Variants in TBC1D19 observed in about 807,000 individuals in gnomAD.
TBC1D19 encodes TBC1 domain family member 19.
TBC1D19 carries 60 observed loss-of-function variants against 89.0 expected under a neutral mutation model. That is an observed-to-expected ratio of 0.67 (90% CI 0.55 to 0.84). The LOEUF is 0.84. Ranked by LOEUF, TBC1D19 falls within the 40% of genes least tolerant of loss-of-function variation. TBC1D19 has a pLI of 0.00. For synonymous variants in TBC1D19, 189 were observed against 199.7 expected, an observed-to-expected ratio of 0.95 and a Z score of 0.45; for missense variants, 500 against 610.8, an observed-to-expected ratio of 0.82 and a Z score of 1.91.
At chr4:26,804,788 C>T in the TBC1D19 span, among the ~76,000 whole-genome samples, 1 of 152,172 alleles carries the variant, frequency 6.6e-6, no homozygotes, top group Non-Finnish European at 1.5e-5. Flanking sequence ...AAACGGGAAG[C>T]GGCAGACACA....
chr4:26,830,113 C>T, the TBC1D19 span, among the ~76,000 whole-genome samples: 1 of 152,140 alleles, frequency 6.6e-6, no homozygotes, highest in Non-Finnish European at 1.5e-5. Flanking sequence ...AGAAGTTGAG[C>T]CTACCAGAGC....
chr4:26,614,834 C>T (rs549422839), intron 3 of TBC1D19, among the ~76,000 whole-genome samples: 1 of 152,150 alleles, frequency 6.6e-6, no homozygotes, highest in Non-Finnish European at 1.5e-5. Context: ...CCTGCCACAA[C>T]ACCTGGCTAA....
intron 16 of TBC1D19, among the ~76,000 whole-genome samples, chr4:26,735,897 T>C (rs1022805205): frequency 2.7e-4 from 41 of 150,466 alleles, no homozygotes; most frequent in African/African-American, 9.0e-4. Flanking sequence ...CAGGAAACAA[T>C]AGGTGCTGGA....
upstream of TBC1D19, chr4:26,584,031 G>A: frequency 1.5e-6 from 1 of 665,786 alleles, no homozygotes; most frequent in Non-Finnish European, 2.6e-6. Flanking sequence ...GGACCAGAGA[G>A]GGACGGACAC....
At chr4:26,632,385 T>C (rs1742856693) in intron 4 of TBC1D19, among the ~76,000 whole-genome samples, 1 of 151,288 alleles carries the variant, frequency 6.6e-6, no homozygotes, top group Non-Finnish European at 1.5e-5. Flanking sequence ...TATACTATAT[T>C]CTTATAATAA....
the TBC1D19 span, among the ~76,000 whole-genome samples, chr4:26,823,137 A>T: frequency 3.3e-5 from 5 of 152,230 alleles, no homozygotes; most frequent in East Asian, 1.9e-4. Flanking sequence ...AAGGAGGAGC[A>T]AGTCACATCT....
the TBC1D19 span, among the ~76,000 whole-genome samples, chr4:26,761,749 A>G: frequency 6.6e-6 from 1 of 152,190 alleles, no homozygotes; most frequent in Non-Finnish European, 1.5e-5. Flanking sequence ...ACCTAATTTT[A>G]AAGGAAATGT....
chr4:26,777,524 C>T, the TBC1D19 span, among the ~76,000 whole-genome samples: 3 of 151,320 alleles, frequency 2.0e-5, no homozygotes, highest in Admixed American at 6.6e-5. Flanking sequence ...CTGTAACCTC[C>T]GCCTCCTGGA....
chr4:26,814,193 G>A, the TBC1D19 span, among the ~76,000 whole-genome samples: 1 of 152,114 alleles, frequency 6.6e-6, no homozygotes, highest in African/African-American at 2.4e-5. Context: ...CCTGTAAAAC[G>A]CACTGATTTT....
At chr4:26,814,350 A>C in the TBC1D19 span, among the ~76,000 whole-genome samples, 1 of 152,204 alleles carries the variant, frequency 6.6e-6, no homozygotes, top group African/African-American at 2.4e-5. Flanking sequence ...ACTCTTAAGA[A>C]ATGCAAGGAA....
chr4:26,578,617 G>A (rs1197779212), intron 1 of TBC1D19, among the ~76,000 whole-genome samples: 4 of 152,140 alleles, frequency 2.6e-5, no homozygotes, highest in Non-Finnish European at 5.9e-5. Flanking sequence ...TTATGTATGT[G>A]TTAGGTGTAG....
chr4:26,801,294 G>A, the TBC1D19 span, among the ~76,000 whole-genome samples: 1 of 151,766 alleles, frequency 6.6e-6, no homozygotes, highest in African/African-American at 2.4e-5. Flanking sequence ...TTTTTGTCAG[G>A]TTTGTCAAAG....
chr4:26,620,550 A>G (rs1741976208), intron 3 of TBC1D19, 63 bp from the exon 4 acceptor site: 2 of 1,330,216 alleles, frequency 1.5e-6, no homozygotes, highest in African/African-American at 2.9e-5. Flanking sequence ...TGGACTACAG[A>G]GGTAAGTAAT....
chr4:26,648,348 A>T (rs1744103898), intron 7 of TBC1D19, among the ~76,000 whole-genome samples: 1 of 152,194 alleles, frequency 6.6e-6, no homozygotes, highest in African/African-American at 2.4e-5. Context: ...ATGTAAATAA[A>T]CAGTTGTGGA....
the TBC1D19 span, among the ~76,000 whole-genome samples, chr4:26,827,837 C>T: frequency 3.3e-5 from 5 of 152,048 alleles, no homozygotes; most frequent in Middle Eastern, 3.2e-3. Context: ...CCTTCTGCCT[C>T]AGCTTCCTGG....
At chr4:26,802,310 G>A in the TBC1D19 span, among the ~76,000 whole-genome samples, 1 of 152,192 alleles carries the variant, frequency 6.6e-6, no homozygotes, top group Non-Finnish European at 1.5e-5. Flanking sequence ...AATTAAGAGT[G>A]ATTTCCTTGG....
chr4:26,717,820 C>T (rs1716727946), intron 13 of TBC1D19, 113 bp from the exon 14 acceptor site: 1 of 754,190 alleles, frequency 1.3e-6, no homozygotes, highest in Admixed American at 2.3e-5. Flanking sequence ...GCATTCTTCC[C>T]ACCGCAAGGC....
At chr4:26,603,769 G>GT (rs1361777829) in intron 1 of TBC1D19, among the ~76,000 whole-genome samples, 1 of 152,078 alleles carries the variant, frequency 6.6e-6, no homozygotes, top group East Asian at 1.9e-4. Flanking sequence ...GTTTTTTACT[G>GT]TTATATTAAA....
At chr4:26,851,319 A>ATCTATCTGTCTG in the TBC1D19 span, among the ~76,000 whole-genome samples, 250 of 147,506 alleles carry the variant, frequency 1.7e-3, 2 homozygotes, top group Middle Eastern at 0.01. Flanking sequence ...CTATCTATCT[A>ATCTATCTGTCTG]TCTATCTATC....
Sources: gnomAD v4.1 joint callset for allele counts (sites outside exome capture counted in the v4.1 genomes callset) on GRCh38, gnomAD v4.1.1 for gene constraint, MANE v1.5 for transcripts, NCBI Gene and HGNC (gene_info 2026-07-23, HGNC 2026-07-21) for gene names.